AKAP6: variants seen among roughly 807,000 people sequenced by gnomAD.
The protein encoded by AKAP6 is A-kinase anchor protein 6.
In AKAP6, 58 loss-of-function variants were observed where a neutral mutation model predicts 188.5. The ratio of observed to expected loss-of-function variants is 0.31; its 90% CI spans 0.25 to 0.38. The LOEUF (loss-of-function observed/expected upper bound fraction) is 0.38, where lower values mean the gene tolerates loss of function less well. Among genes scored for constraint, AKAP6 ranks in the 10% least tolerant of loss-of-function variants. The pLI is 1.00. For missense variants in AKAP6, 2,710 were observed against 2,740.0 expected (o/e 0.99, Z 0.24); for synonymous variants, 989 against 998.6 (o/e 0.99, Z 0.18).
At chr14:32,575,648 T>G (rs1884683921) in intron 4 of AKAP6, among the ~76,000 whole-genome samples, 1 of 152,178 alleles carries the variant, frequency 6.6e-6, no homozygotes, top group African/African-American at 2.4e-5. Flanking sequence ...AGAATATAAA[T>G]GAGAAATCTT....
chr14:32,641,545 T>C (rs1184204530), intron 7 of AKAP6, among the ~76,000 whole-genome samples: 1 of 151,644 alleles, frequency 6.6e-6, no homozygotes, highest in East Asian at 1.9e-4. Flanking sequence ...GAAGGACTTA[T>C]GTTAACTAAG....
chr14:32,669,812 CAT>C (rs1245194659), intron 7 of AKAP6, among the ~76,000 whole-genome samples: 1 of 152,082 alleles, frequency 6.6e-6, no homozygotes, highest in Non-Finnish European at 1.5e-5. Context: ...AAGGGGAAAA[CAT>C]AGGTGGGCAT....
At chr14:32,520,572 A>C in intron 2 of AKAP6, among the ~76,000 whole-genome samples, 1 of 152,078 alleles carries the variant, frequency 6.6e-6, no homozygotes, top group Non-Finnish European at 1.5e-5. Context: ...TAAACACCTC[A>C]ACACAAATAA....
chr14:32,708,086 A>G (rs1259061900), intron 9 of AKAP6, among the ~76,000 whole-genome samples: 1 of 152,108 alleles, frequency 6.6e-6, no homozygotes, highest in African/African-American at 2.4e-5. Context: ...ACATACGGGT[A>G]TGATTATTTA....
At chr14:32,502,028 T>G (rs1880632980) in intron 2 of AKAP6, among the ~76,000 whole-genome samples, 1 of 152,146 alleles carries the variant, frequency 6.6e-6, no homozygotes, top group Admixed American at 6.6e-5. Flanking sequence ...GAGTGGGCCT[T>G]TTCCTTCCTC....
At chr14:32,544,788 A>G (rs1314829902) in intron 3 of AKAP6, among the ~76,000 whole-genome samples, 1 of 152,238 alleles carries the variant, frequency 6.6e-6, no homozygotes. Context: ...TTGAGCATCT[A>G]CCATGAGTTA....
intron 9 of AKAP6, among the ~76,000 whole-genome samples, chr14:32,697,318 G>T (rs1033976445): frequency 1.3e-5 from 2 of 152,160 alleles, no homozygotes; most frequent in South Asian, 2.1e-4. Flanking sequence ...ATTCTCTAAA[G>T]AATGCAGTCC....
chr14:32,486,053 A>G (rs1594666329), intron 2 of AKAP6, among the ~76,000 whole-genome samples: 1 of 152,302 alleles, frequency 6.6e-6, no homozygotes, highest in Admixed American at 6.5e-5. Flanking sequence ...CAGTTTTCCC[A>G]ACACTGTTTA....
chr14:32,517,422 C>T (rs1881580252), intron 2 of AKAP6, among the ~76,000 whole-genome samples: 2 of 152,206 alleles, frequency 1.3e-5, no homozygotes, highest in Admixed American at 1.3e-4. Context: ...GGGTTCATCT[C>T]ACTGAGGATT....
At chr14:32,436,853 C>T (rs957141131) in intron 2 of AKAP6, among the ~76,000 whole-genome samples, 4 of 152,132 alleles carry the variant, frequency 2.6e-5, no homozygotes, top group Non-Finnish European at 5.9e-5. Context: ...AGAGAATCAC[C>T]TGAGCCTGGG....
intron 2 of AKAP6, among the ~76,000 whole-genome samples, chr14:32,437,204 A>G (rs538192324): frequency 1.2e-4 from 19 of 152,240 alleles, no homozygotes; most frequent in South Asian, 2.1e-4. Flanking sequence ...TCACCAAGCT[A>G]TCAGCCAGAG....
chr14:32,647,921 C>T (rs1888051311), intron 7 of AKAP6, among the ~76,000 whole-genome samples: 1 of 152,058 alleles, frequency 6.6e-6, no homozygotes, highest in Non-Finnish European at 1.5e-5. Context: ...TTCTCCATCA[C>T]AAGAGTATTC....
chr14:32,768,507 A>G (rs2032787234), intron 11 of AKAP6, among the ~76,000 whole-genome samples: 1 of 152,244 alleles, frequency 6.6e-6, no homozygotes, highest in Non-Finnish European at 1.5e-5. Flanking sequence ...TACTAGTAAC[A>G]TAAAGATATC....
intron 7 of AKAP6, among the ~76,000 whole-genome samples, chr14:32,631,632 C>CCCAGCACTA (rs199542178): frequency 0.011 from 1,656 of 152,106 alleles, 13 homozygotes; most frequent in Middle Eastern, 0.024. Flanking sequence ...TATGATTGAA[C>CCCAGCACTA]CCAGCACTAT....
intron 7 of AKAP6, among the ~76,000 whole-genome samples, chr14:32,672,287 A>G (rs1411119748): frequency 6.6e-6 from 1 of 152,226 alleles, no homozygotes; most frequent in Non-Finnish European, 1.5e-5. Flanking sequence ...TAGCAAAGCA[A>G]TTGTATTAAA....
chr14:32,411,067 G>A (rs1889468909), intron 1 of AKAP6, among the ~76,000 whole-genome samples: 1 of 152,146 alleles, frequency 6.6e-6, no homozygotes, highest in African/African-American at 2.4e-5. Flanking sequence ...TTTCAACCAG[G>A]AGTGATTTTG....
At chr14:32,682,825 T>C (rs1352715419) in intron 8 of AKAP6, among the ~76,000 whole-genome samples, 2 of 152,124 alleles carry the variant, frequency 1.3e-5, no homozygotes, top group African/African-American at 4.8e-5. Context: ...TTCAGTGGTT[T>C]TCAAAGTATG....
At chr14:32,687,640 T>G (rs1427953768) in intron 8 of AKAP6, among the ~76,000 whole-genome samples, 2 of 152,150 alleles carry the variant, frequency 1.3e-5, no homozygotes, top group Admixed American at 6.6e-5. Flanking sequence ...ATTAAATCAC[T>G]AGACAACCCA....
At chr14:32,585,535 G>A (rs1035868927) in intron 5 of AKAP6, among the ~76,000 whole-genome samples, 1 of 152,054 alleles carries the variant, frequency 6.6e-6, no homozygotes, top group Non-Finnish European at 1.5e-5. Context: ...ACAACTGTAA[G>A]TGTGAGTGGT....
Sources: gnomAD v4.1 joint callset for allele counts (sites outside exome capture counted in the v4.1 genomes callset) on GRCh38, gnomAD v4.1.1 for gene constraint, MANE v1.5 for transcripts, NCBI Gene and HGNC (gene_info 2026-07-23, HGNC 2026-07-21) for gene names.